EHMT1: variants seen among roughly 807,000 people sequenced by gnomAD.
The protein encoded by EHMT1 is euchromatic histone lysine methyltransferase 1, also known as histone-lysine N-methyltransferase EHMT1.
A neutral mutation model predicts 147.2 loss-of-function variants in EHMT1; 15 were observed. The ratio of observed to expected loss-of-function variants is 0.10; its 90% CI spans 0.07 to 0.16. EHMT1 has a LOEUF of 0.16. EHMT1 is among the 10% of genes least tolerant of loss of function. EHMT1 has a pLI of 1.00. For synonymous variants in EHMT1, 795 were observed against 709.6 expected (o/e 1.12, Z -1.91); for missense variants, 1,587 against 1,772.4 (o/e 0.90, Z 1.88).
intron 1 of EHMT1, among the ~76,000 whole-genome samples, chr9:137,641,927 A>T (rs1844518668): frequency 6.6e-6 from 1 of 151,120 alleles, no homozygotes; most frequent in Admixed American, 6.6e-5. Context: ...ATGCCCTCCA[A>T]CTCCATGGTT....
Position 137,776,836 on chromosome 9 carries a change from A to T in EHMT1, c.2010A>T (p.Thr670=), listed in dbSNP as rs370681959. ...CCCTGGAGGGCAGGGCCGACACCAC[A>T]ACGGGCAGGTACCTGGCACAGGCTC... The part of the protein sequence containing the change: ...GSALEGRADT[T]TGSAAGPPLS... Residue 670 remains threonine, a synonymous_variant, in exon 12 of 27, where the codon ACA becomes ACT. Transcript: ENST00000460843. This position sits in a 1 kb window ranked among gnomAD's most constrained non-coding sequence, Gnocchi z 4.4. 1 of 1,613,732 alleles carries T rather than the reference A, an allele frequency of 6.2e-7. No homozygotes were observed. Among genetic ancestry groups the T allele is most frequent in the Non-Finnish European group, 8.5e-7 (1 of 1,179,952 alleles).
At chr9:137,653,108 C>T (rs1368283450) in intron 1 of EHMT1, among the ~76,000 whole-genome samples, 2 of 152,204 alleles carry the variant, frequency 1.3e-5, no homozygotes, top group African/African-American at 2.4e-5. Flanking sequence ...CACATTCATT[C>T]ACTACTCACT....
intron 6 of EHMT1, chr9:137,747,747 C>T (rs1948665222): frequency 6.6e-6 from 1 of 152,144 alleles, no homozygotes; most frequent in South Asian, 2.1e-4. Context: ...AATGACGTAC[C>T]TGTGTGGCCA....
chr9:137,829,629 A>G (rs1956058257), intron 25 of EHMT1, among the ~76,000 whole-genome samples: 1 of 152,206 alleles, frequency 6.6e-6, no homozygotes, highest in African/African-American at 2.4e-5. Flanking sequence ...TGTCCCTTGT[A>G]TGATACTTGG....
intron 15 of EHMT1, chr9:137,789,362 C>T (rs1952314509): frequency 1.3e-5 from 2 of 152,558 alleles, no homozygotes; most frequent in Non-Finnish European, 2.9e-5. Context: ...TCTCTTCTTT[C>T]ACCAGGATTT....
chr9:137,629,834 A>G (rs1335120749), intron 1 of EHMT1, among the ~76,000 whole-genome samples: 1 of 152,182 alleles, frequency 6.6e-6, no homozygotes, highest in Non-Finnish European at 1.5e-5. Flanking sequence ...CCGGCTGAGA[A>G]TAGTTATTAG....
chr9:137,685,994 T>A (rs1315818980), intron 1 of EHMT1, among the ~76,000 whole-genome samples: 1 of 152,188 alleles, frequency 6.6e-6, no homozygotes, highest in East Asian at 1.9e-4. Flanking sequence ...CCCAGGCTGG[T>A]CTCCAGCCCC....
intron 1 of EHMT1, among the ~76,000 whole-genome samples, chr9:137,628,460 T>G (rs1843407580): frequency 6.6e-6 from 1 of 152,212 alleles, no homozygotes. Context: ...TTATAAAACA[T>G]TTTGTAGAGA....
chr9:137,818,261 A>G (rs1372813415), intron 25 of EHMT1, 123 bp downstream of exon 25: 11 of 1,109,698 alleles, frequency 9.9e-6, no homozygotes, highest in Admixed American at 1.8e-5. Context: ...TGGGCTTGCT[A>G]TAGACCTGCT....
rs1337869893 is a variant in EHMT1 at position 137,792,019 on chromosome 9, C to T, written c.2505+1049C>T. The T allele has an allele frequency of 4.8e-5, 22 of 459,428 alleles. No homozygotes were observed. In the East Asian group the frequency reaches 1.5e-3, roughly 31 times the overall value. The allele number at this position is 459,428 out of a possible 1,614,324, so 28.5% of individuals were successfully genotyped here. A position where few individuals can be genotyped will look rare whatever the true frequency, so the allele number is the denominator to read the frequency against. On this transcript the variant is annotated intron_variant, in intron 16 of 26. Transcript: ENST00000460843. ...TGGTGCTGGGATTATGAGCATGAGCCACCATGCCCAGCGCTAACAGCTTTT... is the reference window on the plus strand; with the variant it reads ...TGGTGCTGGGATTATGAGCATGAGCTACCATGCCCAGCGCTAACAGCTTTT...
intron 25 of EHMT1, among the ~76,000 whole-genome samples, chr9:137,830,500 T>TGATTTTATA (rs1412497427): frequency 2.0e-5 from 3 of 152,220 alleles, no homozygotes; most frequent in Non-Finnish European, 4.4e-5. Context: ...TTTATCCAAC[T>TGATTTTATA]TCTTTGATTT....
rs147650243 is a variant in EHMT1 at position 137,760,985 on chromosome 9, C to A, written c.1502-1690C>A. Among the ~76,000 whole-genome samples, 12 of 152,266 alleles carry A rather than the reference C, an allele frequency of 7.9e-5. 1 individual carries two copies. The South Asian group carries it at 2.5e-3, about 32-fold the overall frequency. On this transcript the variant is annotated intron_variant, in intron 9 of 26. Coordinates refer to ENST00000460843, the MANE Select transcript of EHMT1 (RefSeq NM_024757.5). ...TCGCACCACTGCACTCCAGCCTGGG[C>A]GACAGAGCGAGACTCTGGCTCAGAA...
chr9:137,740,260 G>A (rs778827837), intron 4 of EHMT1, among the ~76,000 whole-genome samples: 15 of 151,576 alleles, frequency 9.9e-5, no homozygotes, highest in Non-Finnish European at 2.2e-4. Flanking sequence ...GGGCCTCCCC[G>A]AGCGTCCTGT....
chr9:137,815,434 C>T (rs962050253), intron 22 of EHMT1: 4 of 219,256 alleles, frequency 1.8e-5, no homozygotes, highest in South Asian at 7.6e-5. Context: ...AGCCCTGGGC[C>T]CCGCGCCTCA....
intron 1 of EHMT1, among the ~76,000 whole-genome samples, chr9:137,653,748 G>T (rs1228279105): frequency 6.6e-6 from 1 of 152,086 alleles, no homozygotes; most frequent in Admixed American, 6.6e-5. Context: ...CGCTGGTCTT[G>T]AACTCCCGAC....
chr9:137,830,540 T>C (rs544575630), intron 25 of EHMT1, among the ~76,000 whole-genome samples: 1 of 152,374 alleles, frequency 6.6e-6, no homozygotes, highest in South Asian at 2.1e-4. Flanking sequence ...ATAAAAATTT[T>C]GGTTTCTAAA....
chr9:137,834,688 A>C lies in EHMT1; in HGVS notation c.3717-85A>C, dbSNP rs1956479131. On this transcript the variant is annotated intron_variant, in intron 26 of 26. Coordinates refer to ENST00000460843, the MANE Select transcript of EHMT1 (RefSeq NM_024757.5). Reference sequence around the variant, plus strand: ...GCGGCACGGCAGATCGGGGTGAGGAAGCTTTGGCCTTGCCTTAATTTATCT... The same window carrying C: ...GCGGCACGGCAGATCGGGGTGAGGACGCTTTGGCCTTGCCTTAATTTATCT... The C allele has an allele frequency of 3.1e-6, 5 of 1,606,386 alleles. No individual in the cohort carries two copies. The East Asian group carries it at 8.9e-5, about 29-fold the overall frequency.
chr9:137,694,164 G>A (rs1445466748), intron 1 of EHMT1, among the ~76,000 whole-genome samples: 1 of 126,144 alleles, frequency 7.9e-6, no homozygotes, highest in Non-Finnish European at 1.7e-5. Flanking sequence ...ACACAGGGGC[G>A]CAGGACGCTG....
chr9:137,738,698 C>T (rs866411147), intron 4 of EHMT1: 3 of 152,166 alleles, frequency 2.0e-5, no homozygotes, highest in African/African-American at 4.8e-5. Context: ...AACGCAGTGA[C>T]GTGTGACTCA....
Sources: allele counts gnomAD v4.1 joint callset (sites outside exome capture counted in the v4.1 genomes callset), GRCh38; gene constraint gnomAD v4.1.1; non-coding constraint Gnocchi (gnomAD v3.1); transcripts MANE v1.5; gene names NCBI Gene and HGNC (gene_info 2026-07-23, HGNC 2026-07-21).